Variants in SNRNP200 observed in about 807,000 individuals in gnomAD.
SNRNP200 encodes the protein small nuclear ribonucleoprotein U5 subunit 200, also known as U5 small nuclear ribonucleoprotein 200 kDa helicase.
A neutral mutation model predicts 255.2 loss-of-function variants in SNRNP200; 66 were observed. The observed-to-expected ratio is 0.26, with a 90% CI of 0.21 to 0.32. The LOEUF is 0.32. SNRNP200 is among the 10% of genes least tolerant of loss of function. The pLI is 1.00. For synonymous variants in SNRNP200, 939 were observed against 1,027.8 expected (o/e 0.91, Z 1.65); for missense variants, 1,585 against 2,749.8 (o/e 0.58, Z 9.47).
rs754754236 is a variant in SNRNP200 at position 96,283,841 on chromosome 2, C to T, written c.4556G>A (p.Arg1519His). Reference protein sequence around the residue: ...TSTFNFHPNVRPVPLELHIQG... With the variant: ...TSTFNFHPNVHPVPLELHIQG... ...GATGTGCAGCTCCAAGGGGACGGGA[C>T]GCACATTGGGATGGAAGTTGAAGGT... The change falls in exon 32 of 45, where the codon CGT (arginine) becomes CAT (histidine). Residue 1519 changes from arginine (R) to histidine (H), a missense_variant. Arg to His is a conservative substitution (Grantham distance 29, BLOSUM62 0). Coordinates refer to ENST00000323853, the MANE Select transcript of SNRNP200 (RefSeq NM_014014.5). The surrounding 1 kb of genome is among the most constrained non-coding windows in gnomAD (Gnocchi z 4.7). 9 of 1,604,928 alleles carry T rather than the reference C, an allele frequency of 5.6e-6. No homozygotes were observed. Among genetic ancestry groups the T allele is most frequent in the South Asian group, 3.3e-5 (3 of 90,186 alleles).
rs751137639 is a variant in SNRNP200 at position 96,305,451 on chromosome 2, C to G, written c.-14G>C. On this transcript the variant is annotated 5_prime_UTR_variant, in exon 1 of 45. Transcript: ENST00000323853. ...TACATCCGCCATGGCCGCGGCTGCT[C>G]GGAGGCTTCAGACCACCACGCCTCC... The G allele has an allele frequency of 3.3e-5, 53 of 1,613,888 alleles. 1 individual carries two copies. The South Asian group carries it at 5.8e-4, about 18-fold the overall frequency.
At chr2:96,285,525 C>T (rs2104342835) in intron 29 of SNRNP200, 185 bp from the exon 30 acceptor site, 4 of 655,304 alleles carry the variant, frequency 6.1e-6, no homozygotes, top group Admixed American at 4.9e-5. Flanking sequence ...ACCCCCTTAC[C>T]TGCTCCCACT....
chr2:96,277,135 C>T lies in SNRNP200; in HGVS notation c.6038G>A (p.Arg2013His), dbSNP rs1684680130. 1.2e-6 allele frequency: 2 copies of T among 1,614,086 alleles called. No individual in the cohort carries two copies. Among genetic ancestry groups the T allele is most frequent in the South Asian group, 1.1e-5 (1 of 91,088 alleles). The part of the protein sequence containing the change: ...QIADVARFCN[R>H]YPNIELSYEV... ...ATAAGATAGTTCGATATTAGGGTAG[C>T]GGTTACAAAAGCGAGCCACATCTGC... The change falls in exon 42 of 45, where the codon CGC (arginine) becomes CAC (histidine). Residue 2013 changes from arginine (R) to histidine (H), a missense_variant. Around this residue, in one of 9 missense-constraint regions of SNRNP200, gnomAD observed 279 missense variants for 551.2 expected, o/e 0.51. Transcript: ENST00000323853. This position sits in a 1 kb window ranked among gnomAD's most constrained non-coding sequence, Gnocchi z 4.4.
At chr2:96,304,969 C>T (rs1226254044) in intron 1 of SNRNP200, 101 bp from the exon 2 acceptor site, 5 of 1,233,130 alleles carry the variant, frequency 4.1e-6, no homozygotes, top group Middle Eastern at 2.4e-4. Flanking sequence ...TAACTAGTTG[C>T]TTATCATCAC....
chr2:96,303,075 C>T (rs570623549), intron 3 of SNRNP200, 84 bp downstream of exon 3: 5 of 1,456,898 alleles, frequency 3.4e-6, no homozygotes, highest in East Asian at 2.3e-5. Context: ...ATACTTAGCA[C>T]TTCGAAGATT....
Position 96,278,113 on chromosome 2 carries a change from AGGACATATGGCGGG to A in SNRNP200, c.5610+110_5610+123del. The A allele has an allele frequency of 6.5e-7, 1 of 1,536,830 alleles. No homozygotes were observed. The highest frequency in any genetic ancestry group is 9.0e-7 in the Non-Finnish European group (1 of 1,112,954). On this transcript the variant is annotated intron_variant, in intron 39 of 44. Coordinates refer to ENST00000323853, the MANE Select transcript of SNRNP200 (RefSeq NM_014014.5). The surrounding 1 kb of genome is among the most constrained non-coding windows in gnomAD (Gnocchi z 6.9). ...GGGTTTGAGGGAGGTATGGAGCGGGAGGACATATGGCGGGGGTCGGGGGATGCGTATGGGCGTGT... is the reference window on the plus strand; with the variant it reads ...GGGTTTGAGGGAGGTATGGAGCGGGAGGTCGGGGGATGCGTATGGGCGTGT...
chr2:96,284,213 C>T (rs1014774865), intron 31 of SNRNP200, 145 bp downstream of exon 31: 2 of 894,654 alleles, frequency 2.2e-6, no homozygotes, highest in East Asian at 2.6e-5. Context: ...AAAAAGTTAA[C>T]ATTGTCCCTT....
intron 2 of SNRNP200, 75 bp downstream of exon 2, chr2:96,304,629 GC>G: frequency 2.5e-6 from 4 of 1,582,134 alleles, no homozygotes; most frequent in Non-Finnish European, 3.5e-6. Context: ...AAGCATTCCA[GC>G]AAAAATGCTG....
chr2:96,303,062 A>G, intron 3 of SNRNP200, 97 bp downstream of exon 3: 1 of 1,355,402 alleles, frequency 7.4e-7, no homozygotes, highest in Non-Finnish European at 1.1e-6. Flanking sequence ...AGCATACAAA[A>G]AGATACTTAG....
At position 96,305,504 on chromosome 2, in the gene SNRNP200, T is replaced by C. The variant is rs548712502; in HGVS notation, c.-67A>G. 4 of 1,603,978 alleles carry C rather than the reference T, an allele frequency of 2.5e-6. No homozygotes were observed. The African/African-American group carries it at 5.3e-5, about 21-fold the overall frequency. ...ACCGCAAGCTGCAAACGGCCGCAGA[T>C]CTCTGCTCCCGCCGCGCCGGAACGA... On this transcript the variant is annotated 5_prime_UTR_variant, in exon 1 of 45. Coordinates refer to ENST00000323853, the MANE Select transcript of SNRNP200 (RefSeq NM_014014.5).
At chr2:96,296,749 A>G (rs909838733) in intron 12 of SNRNP200, 58 bp from the exon 13 acceptor site, 1 of 1,592,340 alleles carries the variant, frequency 6.3e-7, no homozygotes, top group Non-Finnish European at 8.6e-7. Flanking sequence ...CACTGCCCTA[A>G]CTTCCATGGG....
In SNRNP200 at chr2:96,291,850, G is replaced by A. The variant is rs1166052992; in HGVS notation, c.2211C>T (p.Ala737=). The A allele has an allele frequency of 3.1e-6, 5 of 1,614,042 alleles. No homozygotes were observed. Among genetic ancestry groups the A allele is most frequent in the Non-Finnish European group, 4.2e-6 (5 of 1,180,012 alleles). The change falls in exon 17 of 45, where the codon GCC becomes GCT. Residue 737 remains alanine, a synonymous_variant. Transcript: ENST00000323853. The surrounding 1 kb of genome is among the most constrained non-coding windows in gnomAD (Gnocchi z 4.2). ...CCTTTTCTAGGCACATGTCCCGGAT[G>A]GCCCTGGCTGTCTTTCCAGTCTCCT... ...SRKETGKTAR[A]IRDMCLEKDT...
intron 23 of SNRNP200, 39 bp downstream of exon 23, chr2:96,288,998 A>T: frequency 6.5e-7 from 1 of 1,540,810 alleles, no homozygotes; most frequent in South Asian, 1.2e-5. Context: ...AAACCACTTA[A>T]TCCTCATCCT....
At chr2:96,281,364 T>C (rs1451567593) in intron 35 of SNRNP200, 2 of 188,726 alleles carry the variant, frequency 1.1e-5, no homozygotes, top group Non-Finnish European at 2.3e-5. Context: ...GACGGGGGTT[T>C]CACTATGTTA....
chr2:96,282,149 T>C (rs960445695), intron 34 of SNRNP200: 9 of 521,322 alleles, frequency 1.7e-5, no homozygotes, highest in Non-Finnish European at 1.8e-5. Flanking sequence ...CAAGTCATCA[T>C]AGAACAGAAC....
In SNRNP200 at chr2:96,285,185, C is replaced by T. The variant is rs2063836866; in HGVS notation, c.4159G>A (p.Glu1387Lys). 6.2e-7 allele frequency: 1 copy of T among 1,613,968 alleles called. No homozygotes were observed. Among genetic ancestry groups the T allele is most frequent in the Non-Finnish European group, 8.5e-7 (1 of 1,180,020 alleles). Residue 1387 changes from glutamate to lysine, a missense_variant, in exon 30 of 45, where the codon GAG (glutamate) becomes AAG (lysine). Physicochemically the swap from Glu to Lys is moderately conservative, Grantham distance 56. Around this residue, in one of 9 missense-constraint regions of SNRNP200, gnomAD observed 719 missense variants for 1,091.1 expected, o/e 0.66. Coordinates refer to ENST00000323853, the MANE Select transcript of SNRNP200 (RefSeq NM_014014.5). ...GACACAGCGCCACGTCATACCTGCT[C>T]TGCCAGGGCCTCCATGGGGGTGATG... ...VYITPMEALA[E>K]QVYMDWYEKF...
chr2:96,301,203 G>C, intron 4 of SNRNP200, 150 bp from the exon 5 acceptor site: 1 of 756,032 alleles, frequency 1.3e-6, no homozygotes, highest in Non-Finnish European at 2.3e-6. Flanking sequence ...ACATGAGAGA[G>C]CCACCTATGC....
chr2:96,287,373 G>T lies in SNRNP200; in HGVS notation c.3484+66C>A. Reference sequence around the variant, plus strand: ...TAATGCACAGGCCTAGGAACAGGAAGACTACATAGGCAAACTGGGAGAGAC... The same window carrying T: ...TAATGCACAGGCCTAGGAACAGGAATACTACATAGGCAAACTGGGAGAGAC... On this transcript the variant is annotated intron_variant, in intron 26 of 44. Transcript: ENST00000323853. The surrounding 1 kb of genome is among the most constrained non-coding windows in gnomAD (Gnocchi z 5.7). 7.9e-7 allele frequency: 1 copy of T among 1,264,224 alleles called. No homozygotes were observed. The highest frequency in any genetic ancestry group is 1.2e-6 in the Non-Finnish European group (1 of 860,970). The allele number at this position is 1,264,224 out of a possible 1,614,324, so 78.3% of individuals were successfully genotyped here.
chr2:96,284,074 G>T, intron 31 of SNRNP200, 70 bp from the exon 32 acceptor site: 1 of 1,416,846 alleles, frequency 7.1e-7, no homozygotes, highest in Non-Finnish European at 9.7e-7. Flanking sequence ...GGTCCCCTTT[G>T]TGAACAGCCC....
Sources: allele counts gnomAD v4.1 joint callset, GRCh38; gene constraint gnomAD v4.1.1; regional missense constraint gnomAD v4.1.1; non-coding constraint Gnocchi (gnomAD v3.1); transcripts MANE v1.5; gene names NCBI Gene and HGNC (gene_info 2026-07-23, HGNC 2026-07-21).